The following PCDHGB1 variants were observed in gnomAD, a reference collection of about 807,000 sequenced individuals.
PCDHGB1 encodes protocadherin gamma-B1.
In PCDHGB1, 34 loss-of-function variants were observed where a neutral mutation model predicts 56.6. That is an observed-to-expected ratio of 0.60 (90% confidence interval 0.46 to 0.80). PCDHGB1 has a LOEUF of 0.80. Ranked by LOEUF, PCDHGB1 falls within the 30% of genes least tolerant of loss-of-function variation. PCDHGB1 has a pLI of 0.00. For synonymous variants in PCDHGB1, 561 were observed against 505.9 expected (o/e 1.11, Z -1.46); for missense variants, 1,278 against 1,204.6 (o/e 1.06, Z -0.90).
chr5:141,465,532 C>T (rs1175698109), intron 1 of PCDHGB1, among the ~76,000 whole-genome samples: 1 of 152,138 alleles, frequency 6.6e-6, no homozygotes, highest in Non-Finnish European at 1.5e-5. Flanking sequence ...GGAAGTTTTC[C>T]CAGGCATTTT....
At chr5:141,481,560 G>A (rs1594155886) in intron 1 of PCDHGB1, among the ~76,000 whole-genome samples, 1 of 152,212 alleles carries the variant, frequency 6.6e-6, no homozygotes, top group Non-Finnish European at 1.5e-5. Flanking sequence ...GCTCACGCCT[G>A]TAATCCCAGT....
intron 1 of PCDHGB1, chr5:141,415,110 C>A: frequency 6.2e-7 from 1 of 1,613,666 alleles, no homozygotes; most frequent in Middle Eastern, 1.7e-4. Flanking sequence ...TCAAGCAAAG[C>A]CTCGTAGTGG....
intron 1 of PCDHGB1, chr5:141,394,099 C>T: frequency 1.2e-6 from 2 of 1,613,930 alleles, no homozygotes; most frequent in South Asian, 1.1e-5. Context: ...GATCTAGGAA[C>T]ACCACCTCTG....
chr5:141,393,555 C>G, intron 1 of PCDHGB1: 6 of 1,613,928 alleles, frequency 3.7e-6, no homozygotes, highest in Non-Finnish European at 5.1e-6. Flanking sequence ...CCCGATTTAC[C>G]GAGTGAAAGT....
chr5:141,487,377 C>G lies in PCDHGB1; in HGVS notation c.2410-7430C>G, dbSNP rs758216933. On this transcript the variant is annotated intron_variant, in intron 1 of 3. Coordinates refer to ENST00000523390, the MANE Select transcript of PCDHGB1 (RefSeq NM_018922.3). This position sits in a 1 kb window ranked among gnomAD's most constrained non-coding sequence, Gnocchi z 5.0. ...CCTGCTGGCACCTGTGCCTGTCTCA[C>G]CAGATCTCGAAGGAGGGAGGGGCTT... 6.2e-7 allele frequency: 1 copy of G among 1,614,190 alleles called. No individual in the cohort carries two copies. The highest frequency in any genetic ancestry group is 1.1e-5 in the South Asian group (1 of 91,086).
At chr5:141,366,546 ACT>A (rs1213982480) in intron 1 of PCDHGB1, 6 of 1,614,216 alleles carry the variant, frequency 3.7e-6, no homozygotes, top group Non-Finnish European at 5.1e-6. Context: ...CCCGCCTCGC[ACT>A]TTGTGGGCGT....
Position 141,458,007 on chromosome 5 carries a change from C to T in PCDHGB1, c.2410-36800C>T, listed in dbSNP as rs142050242. Among the ~76,000 whole-genome samples the T allele has an allele frequency of 1.3e-3, 200 of 152,274 alleles. 1 individual carries two copies. The East Asian group carries it at 0.032, about 24-fold the overall frequency. ...TCAGTTAAAGCCTTGGCAAAATAAC[C>T]GGTTTTTCCAATTGTGTTCTGTTGA... On this transcript the variant is annotated intron_variant, in intron 1 of 3. Transcript: ENST00000523390.
chr5:141,407,959 G>T, intron 1 of PCDHGB1: 1 of 668,062 alleles, frequency 1.5e-6, no homozygotes, highest in South Asian at 2.3e-5. Flanking sequence ...CCAGTGCAGA[G>T]CAAGCGCTGA....
At chr5:141,405,267 A>G (rs1384687423) in intron 1 of PCDHGB1, 1 of 1,614,154 alleles carries the variant, frequency 6.2e-7, no homozygotes, top group South Asian at 1.1e-5. Context: ...ATCTTCCCCC[A>G]GCCCAACTAT....
chr5:141,427,711 A>G, intron 1 of PCDHGB1: 1 of 1,036,496 alleles, frequency 9.6e-7, no homozygotes. Context: ...AGCGCCTCTG[A>G]CCTGGACCTA....
chr5:141,419,561 G>T, intron 1 of PCDHGB1: 1 of 1,611,846 alleles, frequency 6.2e-7, no homozygotes. Flanking sequence ...CCCTGCGCTG[G>T]GTCCCGACGG....
chr5:141,395,511 T>G, intron 1 of PCDHGB1: 3 of 425,438 alleles, frequency 7.1e-6, no homozygotes, highest in Non-Finnish European at 1.3e-5. Context: ...AAGAAGTAGC[T>G]ACCCGTCCAT....
At position 141,413,154 on chromosome 5, in the gene PCDHGB1, A is replaced by C. The variant is rs1308503780; in HGVS notation, c.2409+60485A>C. 10 of 1,576,026 alleles carry C rather than the reference A, an allele frequency of 6.3e-6. No homozygotes were observed. In the South Asian group the frequency reaches 1.2e-4, roughly 18 times the overall value. ...ACAACGTGTCCAGTGAGGACTTTGC[A>C]GAATTCTGTAACCAGACTACAATGG... On this transcript the variant is annotated intron_variant, in intron 1 of 3. Coordinates refer to ENST00000523390, the MANE Select transcript of PCDHGB1 (RefSeq NM_018922.3).
chr5:141,432,025 G>T lies in PCDHGB1; in HGVS notation c.2410-62782G>T. ...AGGTTCCTAGCTACAACATCACAGT[G>T]ACCGCCACTGACCGGGGAACCCCGC... On this transcript the variant is annotated intron_variant, in intron 1 of 3. Coordinates refer to ENST00000523390, the MANE Select transcript of PCDHGB1 (RefSeq NM_018922.3). The surrounding 1 kb of genome is among the most constrained non-coding windows in gnomAD (Gnocchi z 6.0). The T allele has an allele frequency of 6.2e-7, 1 of 1,614,158 alleles. No homozygotes were observed. The highest frequency in any genetic ancestry group is 1.1e-5 in the South Asian group (1 of 91,058).
rs1014896576 is a variant in PCDHGB1, at chr5:141,512,427, C to T, written c.*1254C>T. 6.5e-6 allele frequency: 1 copy of T among 152,788 alleles called. No individual in the cohort carries two copies. Among genetic ancestry groups the T allele is most frequent in the African/African-American group, 2.4e-5 (1 of 41,460 alleles). The allele number at this position is 152,788 out of a possible 1,614,324, so 9.5% of individuals were successfully genotyped here. A position where few individuals can be genotyped will look rare whatever the true frequency, so the allele number is the denominator to read the frequency against. On this transcript the variant is annotated 3_prime_UTR_variant, in exon 4 of 4. Transcript: ENST00000523390. ...GGGCTTCTTCAACAGGGCCCCTGCC[C>T]TCCTGAAGCCTCAGTCCTTCACCTT...
At chr5:141,501,516 C>A (rs763346187) in intron 2 of PCDHGB1, among the ~76,000 whole-genome samples, 1 of 152,010 alleles carries the variant, frequency 6.6e-6, no homozygotes, top group Non-Finnish European at 1.5e-5. Flanking sequence ...GGCCTCCAAG[C>A]TGAAGCCCAG....
chr5:141,384,934 G>A (rs750109041), intron 1 of PCDHGB1: 1 of 1,614,050 alleles, frequency 6.2e-7, no homozygotes, highest in Admixed American at 1.7e-5. Flanking sequence ...GGGCAGCCTT[G>A]AGCCCTCCGA....
At chr5:141,502,024 C>G (rs2099812413) in intron 2 of PCDHGB1, among the ~76,000 whole-genome samples, 1 of 152,152 alleles carries the variant, frequency 6.6e-6, no homozygotes, top group African/African-American at 2.4e-5. Context: ...TCCCTGCAAC[C>G]CCCGCCGCTT....
chr5:141,377,969 A>G (rs1165356824), intron 1 of PCDHGB1: 1 of 152,202 alleles, frequency 6.6e-6, no homozygotes, highest in African/African-American at 2.4e-5. Context: ...ACTTGAATCT[A>G]TGTTCCTGGG....
Sources: gnomAD v4.1 joint callset for allele counts (sites outside exome capture counted in the v4.1 genomes callset) on GRCh38, gnomAD v4.1.1 for gene constraint, Gnocchi (gnomAD v3.1) non-coding constraint, MANE v1.5 for transcripts, NCBI Gene and HGNC (gene_info 2026-07-23, HGNC 2026-07-21) for gene names.